Variants in SV2C observed in about 807,000 individuals in gnomAD.
The protein encoded by SV2C is solute carrier family 22 member B3.
SV2C carries 49 observed loss-of-function variants against 79.7 expected under a neutral mutation model. The observed-to-expected ratio is 0.61, with a 90% confidence interval of 0.49 to 0.78. The LOEUF is 0.78. Among genes scored for constraint, SV2C ranks in the 30% least tolerant of loss-of-function variants. SV2C has a pLI of 0.00. For missense variants in SV2C, 833 were observed against 912.9 expected (o/e 0.91, Z 1.13); for synonymous variants, 334 against 333.2 (o/e 1.00, Z -0.03).
chr5:75,879,471 G>A, the SV2C span, among the ~76,000 whole-genome samples: 1 of 152,286 alleles, frequency 6.6e-6, no homozygotes, highest in Non-Finnish European at 1.5e-5. Flanking sequence ...CCCCATGAGA[G>A]TCTGAAACCC....
intron 12 of SV2C, among the ~76,000 whole-genome samples, chr5:76,351,228 T>C (rs1749635424): frequency 6.6e-6 from 1 of 152,106 alleles, no homozygotes; most frequent in African/African-American, 2.4e-5. Flanking sequence ...GAAGAGTCAC[T>C]TGAGCTTAGG....
chr5:75,883,379 G>T, the SV2C span, among the ~76,000 whole-genome samples: 1 of 145,556 alleles, frequency 6.9e-6, no homozygotes, highest in Non-Finnish European at 1.5e-5. Flanking sequence ...CTGCTATAGA[G>T]ACACATGCAC....
chr5:76,049,238 G>A, the SV2C span, among the ~76,000 whole-genome samples: 3 of 151,188 alleles, frequency 2.0e-5, no homozygotes, highest in Non-Finnish European at 4.4e-5. Context: ...ATAAGAGGCT[G>A]AGGCAGGAGA....
chr5:76,073,158 T>A, the SV2C span, among the ~76,000 whole-genome samples: 1 of 152,194 alleles, frequency 6.6e-6, no homozygotes, highest in African/African-American at 2.4e-5. Flanking sequence ...TCATGAAATC[T>A]TTGCTTAAGC....
At chr5:76,228,332 G>A (rs905100824) in intron 4 of SV2C, among the ~76,000 whole-genome samples, 12 of 152,164 alleles carry the variant, frequency 7.9e-5, no homozygotes, top group African/African-American at 2.4e-4. Flanking sequence ...GTTGAAGTGC[G>A]ACAGGGCAGA....
the SV2C span, among the ~76,000 whole-genome samples, chr5:75,880,999 C>G: frequency 3.9e-5 from 6 of 152,108 alleles, no homozygotes; most frequent in African/African-American, 1.4e-4. Context: ...GAACAGATCT[C>G]ACATGGTGAG....
intron 2 of SV2C, among the ~76,000 whole-genome samples, chr5:76,164,429 A>G (rs1742983814): frequency 6.6e-6 from 1 of 152,232 alleles, no homozygotes; most frequent in African/African-American, 2.4e-5. Flanking sequence ...CCTATGTAGT[A>G]GATCTATGTG....
At chr5:76,087,296 A>G (rs904395706) in intron 1 of SV2C, among the ~76,000 whole-genome samples, 2 of 152,244 alleles carry the variant, frequency 1.3e-5, no homozygotes, top group African/African-American at 4.8e-5. Flanking sequence ...TTGATCACCT[A>G]ATGTGCGTTA....
At chr5:75,893,110 A>G in the SV2C span, among the ~76,000 whole-genome samples, 412 of 152,154 alleles carry the variant, frequency 2.7e-3, 2 homozygotes, top group African/African-American at 8.8e-3. Context: ...TTTTAGTGAT[A>G]GCCATTCTGA....
At chr5:76,012,561 T>C in the SV2C span, among the ~76,000 whole-genome samples, 1 of 152,248 alleles carries the variant, frequency 6.6e-6, no homozygotes, top group African/African-American at 2.4e-5. Flanking sequence ...AGGTTGTATG[T>C]TCACTCTGAT....
the SV2C span, among the ~76,000 whole-genome samples, chr5:75,990,447 A>C: frequency 6.6e-6 from 1 of 151,970 alleles, no homozygotes; most frequent in East Asian, 1.9e-4. Context: ...TGCGTGAGTT[A>C]ATAAACTCTT....
intron 1 of SV2C, among the ~76,000 whole-genome samples, chr5:76,092,486 A>G (rs1389084040): frequency 6.6e-6 from 1 of 152,306 alleles, no homozygotes; most frequent in East Asian, 1.9e-4. Flanking sequence ...AAAAAGGAAC[A>G]TGGCTATAAA....
At chr5:76,048,161 G>A in the SV2C span, among the ~76,000 whole-genome samples, 1 of 152,102 alleles carries the variant, frequency 6.6e-6, no homozygotes, top group Non-Finnish European at 1.5e-5. Context: ...TAGAGAGTAA[G>A]ATACATTATG....
chr5:76,059,700 T>C, the SV2C span, among the ~76,000 whole-genome samples: 1 of 152,116 alleles, frequency 6.6e-6, no homozygotes, highest in Non-Finnish European at 1.5e-5. Context: ...TCCAAACTCC[T>C]GTTCATGTTG....
chr5:76,353,230 C>A (rs1749676976), exon 13 of SV2C: 2 of 319,274 alleles, frequency 6.3e-6, no homozygotes, highest in Non-Finnish European at 1.3e-5. Flanking sequence ...CAGTCTCGAG[C>A]CACTGCACCT....
the SV2C span, among the ~76,000 whole-genome samples, chr5:75,943,380 T>A: frequency 3.9e-5 from 6 of 152,184 alleles, no homozygotes; most frequent in Non-Finnish European, 8.8e-5. Flanking sequence ...GAACTTAAAA[T>A]AATGCTGCCA....
At chr5:76,139,936 C>A (rs1749198836) in intron 2 of SV2C, among the ~76,000 whole-genome samples, 1 of 60,540 alleles carries the variant, frequency 1.7e-5, no homozygotes, top group Admixed American at 1.6e-4. Context: ...GTGGCGCAAT[C>A]TCGGCTCACT....
Position 76,204,218 on chromosome 5 carries a change from A to C in SV2C, c.762-5518A>C, listed in dbSNP as rs181983728. On this transcript the variant is annotated intron_variant, in intron 3 of 12. Coordinates refer to ENST00000502798, the MANE Select transcript of SV2C (RefSeq NM_014979.4). ...ATAAATTGGCTCTGAATTGCTTTGC[A>C]ATTTGCCTGACAGTTCAGTGTCTTC... Among the ~76,000 whole-genome samples, 165 of 152,346 alleles carry C rather than the reference A, an allele frequency of 1.1e-3. 3 individuals carry two copies. The Middle Eastern group carries it at 0.024, about 22-fold the overall frequency.
At chr5:75,964,463 G>A in the SV2C span, among the ~76,000 whole-genome samples, 1 of 152,118 alleles carries the variant, frequency 6.6e-6, no homozygotes, top group Non-Finnish European at 1.5e-5. Context: ...ACCTCTGTGT[G>A]CAGGGATAGG....
Sources: allele counts gnomAD v4.1 joint callset (sites outside exome capture counted in the v4.1 genomes callset), GRCh38; gene constraint gnomAD v4.1.1; transcripts MANE v1.5; gene names NCBI Gene and HGNC (gene_info 2026-07-23, HGNC 2026-07-21).